The following FAM227B variants were observed in gnomAD, a reference collection of about 807,000 sequenced individuals.
FAM227B encodes the protein family with sequence similarity 227 member B.
FAM227B carries 88 observed loss-of-function variants against 73.8 expected under a neutral mutation model. That is an observed-to-expected ratio of 1.19 (90% confidence interval 1.00 to 1.42). The LOEUF (loss-of-function observed/expected upper bound fraction) is 1.42. FAM227B is among the 40% of genes most tolerant of loss of function. The probability of loss-of-function intolerance (pLI) is 0.00; values close to 1 mark genes in which losing one functional copy is unlikely to be tolerated. For synonymous variants in FAM227B, 210 were observed against 190.5 expected, an observed-to-expected ratio of 1.10 and a Z score of -0.84; for missense variants, 632 against 590.9, an observed-to-expected ratio of 1.07 and a Z score of -0.72.
chr15:49,520,388 G>A (rs2059696096), intron 10 of FAM227B, among the ~76,000 whole-genome samples: 1 of 152,028 alleles, frequency 6.6e-6, no homozygotes, highest in South Asian at 2.1e-4. Flanking sequence ...CAACCTCTCT[G>A]CCTGTTATCC....
intron 11 of FAM227B, among the ~76,000 whole-genome samples, chr15:49,470,714 A>T (rs1415178283): frequency 1.3e-5 from 2 of 152,230 alleles, no homozygotes; most frequent in Non-Finnish European, 2.9e-5. Flanking sequence ...AATAATTTGG[A>T]TCATTGCTGT....
intron 11 of FAM227B, among the ~76,000 whole-genome samples, chr15:49,422,120 T>TAGAGAGAGAGAGAGAG (rs3075167): frequency 0.084 from 11,061 of 131,300 alleles, 472 homozygotes; most frequent in Non-Finnish European, 0.11. Context: ...GCATTTCACA[T>TAGAGAGAGAGAGAGAG]AGAGAGAGAG....
intron 11 of FAM227B, among the ~76,000 whole-genome samples, chr15:49,500,179 T>G (rs1186872536): frequency 1.3e-5 from 2 of 152,240 alleles, no homozygotes; most frequent in Non-Finnish European, 2.9e-5. Context: ...TATTCCAGCC[T>G]GGGTGACAGA....
intron 14 of FAM227B, among the ~76,000 whole-genome samples, chr15:49,333,644 G>A (rs1235414930): frequency 3.3e-5 from 5 of 152,124 alleles, no homozygotes; most frequent in Non-Finnish European, 7.4e-5. Context: ...TGGAAAACTA[G>A]CTTTATAAGT....
intron 11 of FAM227B, among the ~76,000 whole-genome samples, chr15:49,389,860 AC>A (rs1892165554): frequency 6.6e-6 from 1 of 151,958 alleles, no homozygotes; most frequent in Non-Finnish European, 1.5e-5. Context: ...CACTGGTAGA[AC>A]CATTTTTACC....
At chr15:49,428,813 T>C (rs751328102) in intron 11 of FAM227B, among the ~76,000 whole-genome samples, 12 of 152,002 alleles carry the variant, frequency 7.9e-5, no homozygotes, top group African/African-American at 2.2e-4. Flanking sequence ...GTTAGTTCCA[T>C]AGCAAGAAAA....
chr15:49,348,617 T>C (rs1013849796), intron 13 of FAM227B, among the ~76,000 whole-genome samples: 1 of 152,152 alleles, frequency 6.6e-6, no homozygotes, highest in Admixed American at 6.5e-5. Flanking sequence ...TGCATGGTAA[T>C]AGAGTAGGTT....
At chr15:49,504,397 C>T (rs892551881) in intron 11 of FAM227B, among the ~76,000 whole-genome samples, 24 of 147,242 alleles carry the variant, frequency 1.6e-4, no homozygotes, top group South Asian at 2.2e-4. Flanking sequence ...GCACGTTGTG[C>T]ACATGTACCC....
intron 11 of FAM227B, among the ~76,000 whole-genome samples, chr15:49,433,925 C>T (rs2050849246): frequency 6.6e-6 from 1 of 151,768 alleles, no homozygotes; most frequent in African/African-American, 2.4e-5. Context: ...ATTAAATGAG[C>T]TATACTAGAA....
chr15:49,522,552 T>C (rs1384280539), intron 10 of FAM227B, among the ~76,000 whole-genome samples: 1 of 151,894 alleles, frequency 6.6e-6, no homozygotes, highest in African/African-American at 2.4e-5. Context: ...GATAAAAAAT[T>C]CAGAATATGA....
chr15:49,583,271 T>C (rs1480127706), intron 5 of FAM227B, among the ~76,000 whole-genome samples: 1 of 147,426 alleles, frequency 6.8e-6, no homozygotes, highest in Non-Finnish European at 1.5e-5. Flanking sequence ...AAGAATCAAA[T>C]AAACACAATC....
chr15:49,358,484 A>G (rs2043580915), intron 13 of FAM227B, among the ~76,000 whole-genome samples: 1 of 144,742 alleles, frequency 6.9e-6, no homozygotes, highest in African/African-American at 2.6e-5. Context: ...ACTCCCATTC[A>G]CAATTGCTTC....
intron 11 of FAM227B, among the ~76,000 whole-genome samples, chr15:49,453,697 C>T (rs913170766): frequency 1.3e-5 from 2 of 152,164 alleles, no homozygotes; most frequent in Non-Finnish European, 2.9e-5. Context: ...GCTGTTTAAT[C>T]TGAAATCTGA....
At chr15:49,347,139 T>C (rs1402547166) in intron 13 of FAM227B, among the ~76,000 whole-genome samples, 1 of 152,214 alleles carries the variant, frequency 6.6e-6, no homozygotes, top group Non-Finnish European at 1.5e-5. Context: ...TTTTGTAGTA[T>C]ACTCAGGAAA....
chr15:49,474,339 G>A (rs2055051441), intron 11 of FAM227B, among the ~76,000 whole-genome samples: 1 of 152,136 alleles, frequency 6.6e-6, no homozygotes, highest in Admixed American at 6.5e-5. Flanking sequence ...CTCTTTCAAG[G>A]GCTGTTATGT....
intron 11 of FAM227B, among the ~76,000 whole-genome samples, chr15:49,410,439 T>C (rs970243256): frequency 5.3e-5 from 8 of 152,158 alleles, no homozygotes. Context: ...TGCTCTTTTT[T>C]AGTAGTTCTA....
At chr15:49,518,848 C>T (rs2059575155) in intron 10 of FAM227B, among the ~76,000 whole-genome samples, 1 of 152,150 alleles carries the variant, frequency 6.6e-6, no homozygotes, top group Non-Finnish European at 1.5e-5. Context: ...ACAATCATGC[C>T]CTTGCAACAG....
intron 11 of FAM227B, among the ~76,000 whole-genome samples, chr15:49,466,520 T>A (rs1170898807): frequency 5.9e-5 from 9 of 152,170 alleles, no homozygotes; most frequent in Admixed American, 5.9e-4. Flanking sequence ...TTTTGTTTGC[T>A]TTTGTTTTTA....
At chr15:49,415,492 T>C (rs1318369202) in intron 11 of FAM227B, among the ~76,000 whole-genome samples, 1 of 152,080 alleles carries the variant, frequency 6.6e-6, no homozygotes, top group Non-Finnish European at 1.5e-5. Context: ...TTACATAATA[T>C]GCTTTCATTA....
Sources: gnomAD v4.1 joint callset for allele counts (sites outside exome capture counted in the v4.1 genomes callset) on GRCh38, gnomAD v4.1.1 for gene constraint, MANE v1.5 for transcripts, NCBI Gene and HGNC (gene_info 2026-07-23, HGNC 2026-07-21) for gene names.